Variants in GAPVD1 observed in about 807,000 individuals in gnomAD.
The protein encoded by GAPVD1 is GTPase-activating protein and VPS9 domain-containing protein 1.
In GAPVD1, 35 loss-of-function variants were observed where a neutral mutation model predicts 155.5. The observed-to-expected ratio is 0.23, with a 90% CI of 0.17 to 0.30. The LOEUF (loss-of-function observed/expected upper bound fraction) is 0.30, where lower values mean the gene tolerates loss of function less well. Among genes scored for constraint, GAPVD1 ranks in the 10% least tolerant of loss-of-function variants. The pLI is 1.00. For missense variants in GAPVD1, 1,429 were observed against 1,775.7 expected (o/e 0.80, Z 3.51); for synonymous variants, 636 against 619.7 (o/e 1.03, Z -0.39).
chr9:125,309,586 C>T (rs530166031), intron 8 of GAPVD1, among the ~76,000 whole-genome samples: 3 of 152,284 alleles, frequency 2.0e-5, no homozygotes, highest in East Asian at 1.9e-4. Flanking sequence ...CCACCTGCCT[C>T]GGCCTCCCAA....
intron 27 of GAPVD1, among the ~76,000 whole-genome samples, chr9:125,361,805 G>T (rs552495182): frequency 6.6e-6 from 1 of 152,108 alleles, no homozygotes; most frequent in Admixed American, 6.5e-5. Context: ...CATTTTGAGG[G>T]TGACCATGTA....
chr9:125,285,013 C>A (rs1397835399), intron 2 of GAPVD1, among the ~76,000 whole-genome samples: 2 of 152,168 alleles, frequency 1.3e-5, no homozygotes, highest in Admixed American at 6.6e-5. Context: ...TCGGACAGTG[C>A]CTCCTCTCTG....
At chr9:125,318,048 AG>A (rs1843715990) in intron 9 of GAPVD1, among the ~76,000 whole-genome samples, 1 of 152,186 alleles carries the variant, frequency 6.6e-6, no homozygotes, top group African/African-American at 2.4e-5. Context: ...GCACTTTGGG[AG>A]GCCGCTCTCA....
At chr9:125,347,491 C>A (rs1452742118) in intron 20 of GAPVD1, among the ~76,000 whole-genome samples, 1 of 151,956 alleles carries the variant, frequency 6.6e-6, no homozygotes, top group Admixed American at 6.6e-5. Flanking sequence ...TTTGGGGGGC[C>A]GAGGTGGGCA....
chr9:125,356,157 G>A (rs1446331244), intron 25 of GAPVD1, among the ~76,000 whole-genome samples: 2 of 152,164 alleles, frequency 1.3e-5, no homozygotes. Context: ...TTATGCTTCA[G>A]GTCTTGACTT....
At chr9:125,265,074 G>T (rs983470512) in intron 1 of GAPVD1, among the ~76,000 whole-genome samples, 1 of 152,138 alleles carries the variant, frequency 6.6e-6, no homozygotes, top group South Asian at 2.1e-4. Flanking sequence ...TTGTGCTTTT[G>T]TGAGCATTTG....
intron 3 of GAPVD1, among the ~76,000 whole-genome samples, chr9:125,298,000 C>T (rs1217641291): frequency 1.3e-5 from 2 of 152,162 alleles, no homozygotes; most frequent in Non-Finnish European, 2.9e-5. Context: ...CCTGCCTTGG[C>T]CTCCCAAAGT....
intron 2 of GAPVD1, among the ~76,000 whole-genome samples, chr9:125,270,466 C>CT (rs1358577361): frequency 6.6e-6 from 1 of 152,016 alleles, no homozygotes; most frequent in African/African-American, 2.4e-5. Context: ...CTTCTTTATG[C>CT]TTACCTATAT....
chr9:125,294,857 C>T (rs1472479409), intron 2 of GAPVD1, among the ~76,000 whole-genome samples: 2 of 151,908 alleles, frequency 1.3e-5, no homozygotes, highest in African/African-American at 4.8e-5. Context: ...TAGATGTCAT[C>T]AGAAGCCAAA....
intron 2 of GAPVD1, among the ~76,000 whole-genome samples, chr9:125,284,074 C>G (rs889615389): frequency 4.6e-5 from 7 of 151,794 alleles, no homozygotes; most frequent in Non-Finnish European, 1.5e-5. Context: ...TGGGGTTTTG[C>G]CATGTTGGCC....
rs371914222 is a variant in GAPVD1, at chr9:125,318,095, C to T, written c.1603-3338C>T. On this transcript the variant is annotated intron_variant, in intron 9 of 27. Coordinates refer to ENST00000297933, the MANE Select transcript of GAPVD1 (RefSeq NM_001282680.3). The stretch of plus-strand genomic sequence containing the variant: ...CGCCTCCCCTGTTCAAGTGATTCTC[C>T]TGCCTCAGCTTCCCTAGTAGCTGGG... 1.2e-4 allele frequency among the ~76,000 whole-genome samples: 18 copies of T among 152,338 alleles called. 1 individual carries two copies. The South Asian group carries it at 3.1e-3, about 26-fold the overall frequency.
In GAPVD1 at chr9:125,365,494, G is replaced by A. The variant is rs558993136; in HGVS notation, c.*2748G>A. ...AGAATTTATAAAGTGGATGTTAAAT[G>A]GAGAGAGAGTTGGCTCAGGTCCCCT... is the stretch of plus-strand genomic sequence containing the variant. On this transcript the variant is annotated 3_prime_UTR_variant, in exon 28 of 28. Coordinates refer to ENST00000297933, the MANE Select transcript of GAPVD1 (RefSeq NM_001282680.3). The A allele has an allele frequency of 4.4e-4, 67 of 152,246 alleles. No homozygotes were observed. The highest frequency in any genetic ancestry group is 1.5e-3 in the African/African-American group (64 of 41,540). The allele number at this position is 152,246 out of a possible 1,614,324, so 9.4% of individuals were successfully genotyped here.
intron 8 of GAPVD1, chr9:125,308,250 A>G (rs1842152293): frequency 1.2e-5 from 3 of 252,450 alleles, no homozygotes; most frequent in Admixed American, 9.9e-5. Flanking sequence ...GGAGGCTGAG[A>G]TGGGGAGATT....
intron 27 of GAPVD1, 149 bp downstream of exon 27, chr9:125,360,874 T>C: frequency 1.6e-6 from 1 of 642,922 alleles, no homozygotes; most frequent in South Asian, 1.9e-5. Context: ...CAAGATTTGT[T>C]CTTTTGAGAC....
chr9:125,298,162 T>A (rs1395883152), intron 3 of GAPVD1, among the ~76,000 whole-genome samples: 2 of 152,188 alleles, frequency 1.3e-5, no homozygotes, highest in Non-Finnish European at 2.9e-5. Flanking sequence ...TGAGAATTGA[T>A]GTGATTAGCA....
chr9:125,295,408 TA>T (rs1839677432), intron 2 of GAPVD1, 49 bp from the exon 3 acceptor site: 1 of 151,188 alleles, frequency 6.6e-6, no homozygotes, highest in Non-Finnish European at 1.5e-5. Flanking sequence ...CTTTTTAAAT[TA>T]TCAAACCCTT....
intron 17 of GAPVD1, among the ~76,000 whole-genome samples, 185 bp from the exon 18 acceptor site, chr9:125,340,992 G>A (rs1291733549): frequency 4.6e-5 from 7 of 152,208 alleles, no homozygotes; most frequent in African/African-American, 1.7e-4. Flanking sequence ...GCTGATACGG[G>A]GAGGATCGCT....
At chr9:125,293,017 A>G (rs369788068) in intron 2 of GAPVD1, among the ~76,000 whole-genome samples, 1 of 152,204 alleles carries the variant, frequency 6.6e-6, no homozygotes, top group East Asian at 1.9e-4. Flanking sequence ...AGAAACTTGA[A>G]GTATAGGAAC....
Position 125,357,834 on chromosome 9 carries a change from G to A in GAPVD1, c.3972-1586G>A, listed in dbSNP as rs571229166. On this transcript the variant is annotated intron_variant, in intron 25 of 27. Coordinates refer to ENST00000297933, the MANE Select transcript of GAPVD1 (RefSeq NM_001282680.3). ...TACTAAAAATACAAAAATTAGCCAG[G>A]CATGATGGCTCACACCTGTCATGCC... 2.0e-5 allele frequency among the ~76,000 whole-genome samples: 3 copies of A among 152,090 alleles called. No individual in the cohort carries two copies. In the East Asian group the frequency reaches 5.8e-4, roughly 30 times the overall value.
Sources: gnomAD v4.1 joint callset for allele counts (sites outside exome capture counted in the v4.1 genomes callset) on GRCh38, gnomAD v4.1.1 for gene constraint, MANE v1.5 for transcripts, NCBI Gene and HGNC (gene_info 2026-07-23, HGNC 2026-07-21) for gene names.